Variants in RPS12 observed in about 807,000 individuals in gnomAD.
The protein encoded by RPS12 is ribosomal protein S12, also known as small ribosomal subunit protein eS12.
RPS12 carries 1 observed loss-of-function variant against 17.2 expected under a neutral mutation model. That is an observed-to-expected ratio of 0.06 (90% CI 0.02 to 0.28). RPS12 has a LOEUF of 0.28. Among genes scored for constraint, RPS12 ranks in the 10% least tolerant of loss-of-function variants. The probability of loss-of-function intolerance (pLI) is 1.00; values close to 1 mark genes in which losing one functional copy is unlikely to be tolerated. For synonymous variants in RPS12, 67 were observed against 54.0 expected, an observed-to-expected ratio of 1.24 and a Z score of -1.06; for missense variants, 146 against 162.1, an observed-to-expected ratio of 0.90 and a Z score of 0.54.
At chr6:132,816,687 T>C (rs1279354857) in intron 4 of RPS12, 124 bp downstream of exon 4, 1 of 792,774 alleles carries the variant, frequency 1.3e-6, no homozygotes, top group East Asian at 2.4e-5. Flanking sequence ...CCTGATACTG[T>C]CGGCCATTTT....
In RPS12 at chr6:132,814,619, T is replaced by C. The variant is rs1006665168; in HGVS notation, c.-38+6T>C. The C allele has an allele frequency of 3.6e-5, 35 of 982,804 alleles. No homozygotes were observed. The highest frequency in any genetic ancestry group is 5.2e-5 in the Non-Finnish European group (32 of 620,972). 60.9% of individuals were successfully genotyped at this position (982,804 alleles called of 1,614,324 possible). A position where few individuals can be genotyped will look rare whatever the true frequency, so the allele number is the denominator to read the frequency against. On this transcript the variant is annotated splice_donor_region_variant and intron_variant, in intron 1 of 5. Transcript: ENST00000230050. The stretch of plus-strand genomic sequence containing the variant: ...CGCGGAGGCGGAGGCTTGGGGTAAG[T>C]TGAGCGAGGCGGCAGGGGGGTGTAT...
intron 3 of RPS12, chr6:132,815,807 C>T (rs990755564): frequency 1.8e-5 from 8 of 453,896 alleles, no homozygotes; most frequent in East Asian, 1.4e-4. Flanking sequence ...CATTTCATAA[C>T]TGTTCCATTA....
intron 3 of RPS12, chr6:132,815,903 C>T (rs1049996362): frequency 2.4e-5 from 11 of 451,308 alleles, no homozygotes; most frequent in South Asian, 7.8e-5. Flanking sequence ...AGTGCAGTGG[C>T]GCGATCTCAT....
chr6:132,815,764 CT>C (rs1417824944), intron 3 of RPS12: 1 of 454,940 alleles, frequency 2.2e-6, no homozygotes, highest in Non-Finnish European at 4.4e-6. Flanking sequence ...TAGTATGAGT[CT>C]TCTGTATTTC....
intron 5 of RPS12, 89 bp downstream of exon 5, chr6:132,817,150 G>GA (rs1206021719): frequency 1.1e-5 from 10 of 891,692 alleles, no homozygotes; most frequent in Non-Finnish European, 1.9e-5. Flanking sequence ...CTTATAAAAG[G>GA]AAAAAACTGA....
At chr6:132,816,669 T>A in intron 4 of RPS12, 106 bp downstream of exon 4, 1 of 825,398 alleles carries the variant, frequency 1.2e-6, no homozygotes, top group Non-Finnish European at 2.1e-6. Context: ...GTGTAAACAT[T>A]ACGTGCACCT....
At chr6:132,816,371 T>C in intron 3 of RPS12, 90 bp from the exon 4 acceptor site, 1 of 915,776 alleles carries the variant, frequency 1.1e-6, no homozygotes, top group Non-Finnish European at 1.7e-6. Context: ...GTTTCGCAAG[T>C]GTTAGTGCAA....
chr6:132,815,732 G>A (rs1029804500), intron 3 of RPS12: 2 of 456,128 alleles, frequency 4.4e-6, no homozygotes, highest in Non-Finnish European at 8.8e-6. Flanking sequence ...CGGCATTATT[G>A]TTTAATGTAT....
intron 3 of RPS12, chr6:132,815,766 T>G (rs1161877002): frequency 6.6e-6 from 3 of 456,584 alleles, no homozygotes; most frequent in Non-Finnish European, 1.3e-5. Context: ...GTATGAGTCT[T>G]CTGTATTTCT....
chr6:132,816,928 ATT>A (rs34924584), intron 4 of RPS12, 30 bp from the exon 5 acceptor site: 425,054 of 1,217,530 alleles, frequency 0.35, 50,615 homozygotes, highest in African/African-American at 0.51. Context: ...TATTAATGTG[ATT>A]TTTTTTTTTT....
chr6:132,816,425 G>GT (rs769223748), intron 3 of RPS12, 36 bp from the exon 4 acceptor site: 55 of 1,497,846 alleles, frequency 3.7e-5, no homozygotes, highest in South Asian at 1.7e-4. Context: ...TTGGATCTGA[G>GT]TTTTAGCTCC....
At position 132,814,887 on chromosome 6, in the gene RPS12, C is replaced by T. The variant is rs549698017; in HGVS notation, c.15-85C>T. ...GTCAAACGGGTCGCCGTAAGCGCGT[C>T]TGTTGTACACTTAGCTTTTGCTGAG... On this transcript the variant is annotated intron_variant, in intron 2 of 5. Transcript: ENST00000230050. 3,125 of 1,404,932 alleles carry T rather than the reference C, an allele frequency of 2.2e-3. 7 individuals carry two copies. Among genetic ancestry groups the T allele is most frequent in the Non-Finnish European group, 2.6e-3 (2,617 of 990,192 alleles). 87.0% of individuals were successfully genotyped at this position (1,404,932 alleles called of 1,614,324 possible).
rs1452256405 is a variant in RPS12 at position 132,814,726 on chromosome 6, T to C, written c.-37-6T>C. The C allele has an allele frequency of 4.4e-6, 7 of 1,609,136 alleles. No homozygotes were observed. In the Admixed American group the frequency reaches 6.7e-5, roughly 15 times the overall value. On this transcript the variant is annotated splice_polypyrimidine_tract_variant and splice_region_variant and intron_variant, in intron 1 of 5. Coordinates refer to ENST00000230050, the MANE Select transcript of RPS12 (RefSeq NM_001016.4). The stretch of plus-strand genomic sequence containing the variant: ...TCTTTAACAAGTCAATGCTTTTGTT[T>C]TTTAGTGCGTTCAAGATTCAACTTC...
At chr6:132,816,693 AT>A in intron 4 of RPS12, 130 bp downstream of exon 4, 1 of 785,764 alleles carries the variant, frequency 1.3e-6, no homozygotes, top group Non-Finnish European at 2.3e-6. Flanking sequence ...ACTGTCGGCC[AT>A]TTTAAAGATG....
At position 132,814,960 on chromosome 6, in the gene RPS12, G is replaced by T. The variant is rs1161990653; in HGVS notation, c.15-12G>T. On this transcript the variant is annotated splice_polypyrimidine_tract_variant and intron_variant, in intron 2 of 5. Coordinates refer to ENST00000230050, the MANE Select transcript of RPS12 (RefSeq NM_001016.4). ...GGATTTTAACTGATGGTTCTGATGT[G>T]TCGCGTTTAAGCATTGCTGCTGGAG... The T allele has an allele frequency of 6.4e-7, 1 of 1,565,896 alleles. No individual in the cohort carries two copies. The highest frequency in any genetic ancestry group is 1.4e-5 in the African/African-American group (1 of 73,864).
rs527572309 is a variant in RPS12, at chr6:132,814,606, G to T, written c.-45G>T. The T allele has an allele frequency of 3.7e-5, 33 of 881,194 alleles. No homozygotes were observed. Among genetic ancestry groups the T allele is most frequent in the Middle Eastern group, 4.4e-4 (2 of 4,538 alleles). The allele number at this position is 881,194 out of a possible 1,614,324, so 54.6% of individuals were successfully genotyped here. A position where few individuals can be genotyped will look rare whatever the true frequency, so the allele number is the denominator to read the frequency against. On this transcript the variant is annotated 5_prime_UTR_variant, in exon 1 of 6. It adds an upstream start codon to the 5' untranslated region. Transcript: ENST00000230050. Reference sequence around the variant, plus strand: ...CGCCGCCGAGTCGCGCGGAGGCGGAGGCTTGGGGTAAGTTGAGCGAGGCGG... The same window carrying T: ...CGCCGCCGAGTCGCGCGGAGGCGGATGCTTGGGGTAAGTTGAGCGAGGCGG...
intron 3 of RPS12, chr6:132,816,102 G>T (rs1233607914): frequency 5.3e-6 from 2 of 374,820 alleles, no homozygotes; most frequent in East Asian, 6.8e-5. Flanking sequence ...CCAAAGTGCT[G>T]GGATTACAGG....
At chr6:132,816,688 C>T (rs148344519) in intron 4 of RPS12, 125 bp downstream of exon 4, 34 of 791,832 alleles carry the variant, frequency 4.3e-5, no homozygotes, top group African/African-American at 3.9e-4. Context: ...CTGATACTGT[C>T]GGCCATTTTA....
At position 132,814,702 on chromosome 6, in the gene RPS12, C is replaced by T. The variant is rs973703474; in HGVS notation, c.-37-30C>T. 11 of 1,578,792 alleles carry T rather than the reference C, an allele frequency of 7.0e-6. No individual in the cohort carries two copies. The Admixed American group carries it at 1.3e-4, about 19-fold the overall frequency. The stretch of plus-strand genomic sequence containing the variant: ...TGGGATTCGTGACGAGTATCTGGTT[C>T]TTTAACAAGTCAATGCTTTTGTTTT... On this transcript the variant is annotated intron_variant, in intron 1 of 5. Coordinates refer to ENST00000230050, the MANE Select transcript of RPS12 (RefSeq NM_001016.4).
Sources: allele counts gnomAD v4.1 joint callset, GRCh38; gene constraint gnomAD v4.1.1; transcripts MANE v1.5; gene names NCBI Gene and HGNC (gene_info 2026-07-23, HGNC 2026-07-21).